TEAD1: variants seen among roughly 807,000 people sequenced by gnomAD.
The protein encoded by TEAD1 is TEA domain transcription factor 1.
Under a neutral mutation model 54.9 loss-of-function variants are expected in TEAD1, and 9 were observed. The observed-to-expected ratio is 0.16, with a 90% CI of 0.10 to 0.29. The LOEUF (loss-of-function observed/expected upper bound fraction) is 0.29. TEAD1 is among the 10% of genes least tolerant of loss of function. The pLI is 1.00. For missense variants in TEAD1, 387 were observed against 535.9 expected (o/e 0.72, Z 2.74); for synonymous variants, 200 against 187.8 (o/e 1.07, Z -0.53).
chr11:12,726,026 T>C (rs1464042545), intron 2 of TEAD1, among the ~76,000 whole-genome samples: 1 of 152,124 alleles, frequency 6.6e-6, no homozygotes, highest in African/African-American at 2.4e-5. Context: ...TTGAGCCAGT[T>C]TTGGGCTGGG....
At chr11:12,783,968 A>T (rs547235141) in intron 3 of TEAD1, among the ~76,000 whole-genome samples, 1 of 152,222 alleles carries the variant, frequency 6.6e-6, no homozygotes, top group East Asian at 1.9e-4. Context: ...TTTTTAGGAT[A>T]TTCAACAAGT....
intron 4 of TEAD1, among the ~76,000 whole-genome samples, chr11:12,862,764 G>C (rs1305313831): frequency 6.6e-6 from 1 of 152,196 alleles, no homozygotes. Flanking sequence ...GTATTGGCCT[G>C]AATGTAATGC....
chr11:12,821,915 T>G (rs2134004099), intron 3 of TEAD1, among the ~76,000 whole-genome samples: 1 of 150,184 alleles, frequency 6.7e-6, no homozygotes, highest in South Asian at 2.1e-4. Context: ...TCCCTCCCCT[T>G]TTCTCTTTCC....
At chr11:12,847,986 C>G (rs1947191258) in intron 3 of TEAD1, among the ~76,000 whole-genome samples, 1 of 152,202 alleles carries the variant, frequency 6.6e-6, no homozygotes, top group African/African-American at 2.4e-5. Flanking sequence ...TTACCTCTGG[C>G]TGCTTCTAGT....
intron 3 of TEAD1, among the ~76,000 whole-genome samples, chr11:12,828,758 G>A (rs369780086): frequency 3.5e-5 from 5 of 144,298 alleles, no homozygotes; most frequent in East Asian, 2.0e-4. Context: ...CTTAACTGGC[G>A]TCAGCATGGA....
At chr11:12,735,444 A>G (rs1270252535) in intron 2 of TEAD1, among the ~76,000 whole-genome samples, 1 of 152,192 alleles carries the variant, frequency 6.6e-6, no homozygotes, top group Non-Finnish European at 1.5e-5. Context: ...GCAGAATCAC[A>G]CAGCTACAAA....
intron 10 of TEAD1, among the ~76,000 whole-genome samples, chr11:12,917,098 T>C (rs1948727873): frequency 6.6e-6 from 1 of 152,168 alleles, no homozygotes; most frequent in South Asian, 2.1e-4. Flanking sequence ...AAGTTGTTAA[T>C]CAGCAGATAG....
At chr11:12,692,136 T>C (rs1943470593) in intron 2 of TEAD1, among the ~76,000 whole-genome samples, 1 of 152,174 alleles carries the variant, frequency 6.6e-6, no homozygotes, top group African/African-American at 2.4e-5. Context: ...CTATTAAACT[T>C]ATTTTTAGTA....
At position 12,707,114 on chromosome 11, in the gene TEAD1, C is replaced by CTT. The variant is rs11366620; in HGVS notation, c.-55+31575_-55+31576dup. 1.3e-3 allele frequency among the ~76,000 whole-genome samples: 97 copies of CTT among 76,222 alleles called. 1 individual carries two copies. Among genetic ancestry groups the CTT allele is most frequent in the African/African-American group, 1.7e-3 (33 of 19,348 alleles). 50.0% of individuals were successfully genotyped at this position (76,222 alleles called of 152,430 possible). On this transcript the variant is annotated intron_variant, in intron 2 of 12. Transcript: ENST00000527636. ...AGGGAAAGAAATAGCACTTGTGGGA[C>CTT]TTTTTTTTTTTTTTTTTTTTTTTCA... is the stretch of plus-strand genomic sequence containing the variant.
At chr11:12,857,308 T>C (rs73427642) in intron 3 of TEAD1, among the ~76,000 whole-genome samples, 5,808 of 152,180 alleles carry the variant, frequency 0.038, 388 homozygotes, top group African/African-American at 0.13. Context: ...GTGCAGCCGG[T>C]GGGAAAGACA....
intron 2 of TEAD1, among the ~76,000 whole-genome samples, chr11:12,729,207 G>A (rs1944372750): frequency 6.6e-6 from 1 of 152,192 alleles, no homozygotes; most frequent in Non-Finnish European, 1.5e-5. Context: ...GAATGACTAG[G>A]GCCCTTTTCT....
chr11:12,893,821 C>A (rs74699910), intron 9 of TEAD1, among the ~76,000 whole-genome samples: 1,932 of 152,294 alleles, frequency 0.013, 43 homozygotes, highest in African/African-American at 0.044. Context: ...GGCCAAGTGG[C>A]CAGAACAGGG....
chr11:12,842,671 CTT>C (rs1271874520), intron 3 of TEAD1, among the ~76,000 whole-genome samples: 5 of 152,092 alleles, frequency 3.3e-5, no homozygotes, highest in Non-Finnish European at 5.9e-5. Context: ...AGGCCGTTTC[CTT>C]TTTTTCATGC....
At chr11:12,696,631 A>T (rs1029219701) in intron 2 of TEAD1, among the ~76,000 whole-genome samples, 3 of 152,120 alleles carry the variant, frequency 2.0e-5, no homozygotes, top group Non-Finnish European at 2.9e-5. Flanking sequence ...ATGAACTCGT[A>T]TTCCCTTACC....
chr11:12,834,904 A>G (rs1041042863), intron 3 of TEAD1, among the ~76,000 whole-genome samples: 1 of 152,076 alleles, frequency 6.6e-6, no homozygotes, highest in East Asian at 1.9e-4. Context: ...GAGCAATTAT[A>G]GATAAGTTTT....
At chr11:12,830,279 A>T (rs538939785) in intron 3 of TEAD1, among the ~76,000 whole-genome samples, 12 of 152,250 alleles carry the variant, frequency 7.9e-5, no homozygotes, top group Admixed American at 7.2e-4. Context: ...ACGAAGATCC[A>T]CAAAGGCTGG....
intron 2 of TEAD1, among the ~76,000 whole-genome samples, chr11:12,698,680 A>G (rs1943637149): frequency 6.6e-6 from 1 of 152,100 alleles, no homozygotes; most frequent in African/African-American, 2.4e-5. Flanking sequence ...AAGTTTGAGA[A>G]TTTAGGTCTC....
At chr11:12,872,613 A>T (rs1267187366) in intron 5 of TEAD1, among the ~76,000 whole-genome samples, 2 of 152,228 alleles carry the variant, frequency 1.3e-5, no homozygotes, top group Admixed American at 6.5e-5. Flanking sequence ...GAATATGTAG[A>T]TAAAGATAAT....
intron 11 of TEAD1, among the ~76,000 whole-genome samples, chr11:12,929,673 C>G (rs1190457421): frequency 6.6e-6 from 1 of 151,876 alleles, no homozygotes; most frequent in Non-Finnish European, 1.5e-5. Context: ...TGCATATATA[C>G]TAGTATTTTC....
Sources: allele counts gnomAD v4.1 joint callset (sites outside exome capture counted in the v4.1 genomes callset), GRCh38; gene constraint gnomAD v4.1.1; transcripts MANE v1.5; gene names NCBI Gene and HGNC (gene_info 2026-07-23, HGNC 2026-07-21).